The following ZMAT4 variants were observed in gnomAD, a reference collection of about 807,000 sequenced individuals.
ZMAT4 encodes the protein zinc finger matrin-type 4.
A neutral mutation model predicts 28.7 loss-of-function variants in ZMAT4; 17 were observed. The observed-to-expected ratio is 0.59, with a 90% confidence interval of 0.41 to 0.89. The LOEUF (loss-of-function observed/expected upper bound fraction) is 0.89, where lower values mean the gene tolerates loss of function less well. Ranked by LOEUF, ZMAT4 falls within the 40% of genes least tolerant of loss-of-function variation. The probability of loss-of-function intolerance (pLI) is 0.00; values close to 1 mark genes in which losing one functional copy is unlikely to be tolerated. For synonymous variants in ZMAT4, 117 were observed against 109.2 expected (o/e 1.07, Z -0.44); for missense variants, 240 against 283.8 (o/e 0.85, Z 1.11).
At chr8:40,620,115 G>A (rs1806143802) in intron 5 of ZMAT4, among the ~76,000 whole-genome samples, 1 of 152,136 alleles carries the variant, frequency 6.6e-6, no homozygotes, top group South Asian at 2.1e-4. Flanking sequence ...AGGGTTCTCA[G>A]AGATCCTGAA....
chr8:40,731,021 G>T (rs1811514959), intron 3 of ZMAT4, among the ~76,000 whole-genome samples: 1 of 151,942 alleles, frequency 6.6e-6, no homozygotes, highest in Non-Finnish European at 1.5e-5. Flanking sequence ...ACACAGATTT[G>T]CAGGAGCCAG....
At chr8:40,879,595 C>T (rs760932109) in intron 1 of ZMAT4, among the ~76,000 whole-genome samples, 1 of 152,098 alleles carries the variant, frequency 6.6e-6, no homozygotes. Flanking sequence ...AAAAGGGGAA[C>T]GACTCAGAGG....
rs1313478042 is a variant in ZMAT4 at position 40,667,864 on chromosome 8, C to A, written c.577+6840G>T. ...AAAAAAAAAACAACAAAAAAAAAAA[C>A]CAAGAAAAAGAAATTTATGAAGTTG... On this transcript the variant is annotated intron_variant, in intron 5 of 6. Coordinates refer to ENST00000297737, the MANE Select transcript of ZMAT4 (RefSeq NM_024645.3). 2.0e-4 allele frequency among the ~76,000 whole-genome samples: 28 copies of A among 141,996 alleles called. 1 individual carries two copies. The highest frequency in any genetic ancestry group is 3.8e-3 in the Middle Eastern group (1 of 266). 93.2% of individuals were successfully genotyped at this position (141,996 alleles called of 152,430 possible).
intron 3 of ZMAT4, among the ~76,000 whole-genome samples, chr8:40,765,110 G>A (rs1383888917): frequency 6.6e-6 from 1 of 152,100 alleles, no homozygotes; most frequent in Non-Finnish European, 1.5e-5. Flanking sequence ...GGGTTTACAG[G>A]TGTGAGCCAC....
At chr8:40,766,725 G>A (rs778951598) in intron 3 of ZMAT4, among the ~76,000 whole-genome samples, 13 of 152,188 alleles carry the variant, frequency 8.5e-5, no homozygotes, top group Non-Finnish European at 1.3e-4. Context: ...TCTGCTCATA[G>A]GCAGTTCTCT....
At chr8:40,679,485 G>A (rs924824402) in intron 4 of ZMAT4, among the ~76,000 whole-genome samples, 6 of 152,112 alleles carry the variant, frequency 3.9e-5, no homozygotes, top group African/African-American at 1.4e-4. Flanking sequence ...GGCAGAAGTG[G>A]AAGAAAACAC....
At chr8:40,588,674 A>T (rs780002907) in intron 5 of ZMAT4, among the ~76,000 whole-genome samples, 4 of 152,112 alleles carry the variant, frequency 2.6e-5, no homozygotes, top group East Asian at 1.9e-4. Flanking sequence ...TCTTGAGGGG[A>T]TTGCAAAATG....
intron 5 of ZMAT4, among the ~76,000 whole-genome samples, chr8:40,660,647 C>T (rs1808146146): frequency 6.6e-6 from 1 of 152,162 alleles, no homozygotes; most frequent in Non-Finnish European, 1.5e-5. Context: ...GGTATAGAGT[C>T]ATACAAAGGT....
intron 5 of ZMAT4, among the ~76,000 whole-genome samples, chr8:40,593,395 T>A (rs1014289015): frequency 5.9e-5 from 9 of 152,300 alleles, no homozygotes; most frequent in Admixed American, 5.9e-4. Flanking sequence ...AATGAACAAG[T>A]CTAGAGGCAC....
intron 1 of ZMAT4, among the ~76,000 whole-genome samples, chr8:40,850,509 C>T (rs562808958): frequency 6.6e-5 from 10 of 152,292 alleles, no homozygotes; most frequent in African/African-American, 1.4e-4. Context: ...GTCTAACTTC[C>T]GCCCCCCAAA....
chr8:40,556,937 T>C (rs573536894), intron 6 of ZMAT4, among the ~76,000 whole-genome samples: 1 of 152,322 alleles, frequency 6.6e-6, no homozygotes, highest in Non-Finnish European at 1.5e-5. Context: ...ATTTGTTTTA[T>C]CTAACTGGAT....
chr8:40,565,171 T>A (rs118190427), intron 6 of ZMAT4, among the ~76,000 whole-genome samples: 1,759 of 152,272 alleles, frequency 0.012, 10 homozygotes, highest in South Asian at 0.021. Context: ...CCTGGTTTCT[T>A]CCCTTACTTA....
At chr8:40,602,176 G>T (rs1167102148) in intron 5 of ZMAT4, among the ~76,000 whole-genome samples, 1 of 152,126 alleles carries the variant, frequency 6.6e-6, no homozygotes. Context: ...CATCCAGGTT[G>T]CGCGAATGCC....
intron 4 of ZMAT4, among the ~76,000 whole-genome samples, 193 bp from the exon 5 acceptor site, chr8:40,675,124 G>C (rs1156363155): frequency 1.3e-5 from 2 of 152,158 alleles, no homozygotes; most frequent in East Asian, 3.9e-4. Flanking sequence ...AATTCTTAAT[G>C]TATTGAGATC....
intron 3 of ZMAT4, among the ~76,000 whole-genome samples, chr8:40,751,980 C>A (rs1563458054): frequency 6.6e-6 from 1 of 152,116 alleles, no homozygotes; most frequent in African/African-American, 2.4e-5. Context: ...CTGGGTCTTC[C>A]CATCTCTGCC....
chr8:40,765,298 C>T (rs1813106803), intron 3 of ZMAT4, among the ~76,000 whole-genome samples: 1 of 152,108 alleles, frequency 6.6e-6, no homozygotes, highest in Admixed American at 6.5e-5. Flanking sequence ...TACCAATATA[C>T]ACTCTTAAAG....
chr8:40,816,316 C>A (rs145016033), intron 2 of ZMAT4, among the ~76,000 whole-genome samples: 3 of 152,132 alleles, frequency 2.0e-5, no homozygotes, highest in African/African-American at 7.2e-5. Context: ...CCTCTGCCAG[C>A]CCGAGTTCTA....
At chr8:40,676,821 A>G (rs1473366486) in intron 4 of ZMAT4, among the ~76,000 whole-genome samples, 1 of 152,160 alleles carries the variant, frequency 6.6e-6, no homozygotes, top group African/African-American at 2.4e-5. Context: ...TGTTATCACC[A>G]TGTAGAAATA....
intron 3 of ZMAT4, among the ~76,000 whole-genome samples, chr8:40,706,539 G>A (rs769544906): frequency 6.6e-6 from 1 of 151,996 alleles, no homozygotes; most frequent in East Asian, 1.9e-4. Context: ...ATTTTTGGCC[G>A]AATTCATGGA....
Sources: gnomAD v4.1 joint callset for allele counts (sites outside exome capture counted in the v4.1 genomes callset) on GRCh38, gnomAD v4.1.1 for gene constraint, MANE v1.5 for transcripts, NCBI Gene and HGNC (gene_info 2026-07-23, HGNC 2026-07-21) for gene names.